ADCY2: variants seen among roughly 807,000 people sequenced by gnomAD.
ADCY2 encodes adenylate cyclase 2.
Under a neutral mutation model 125.2 loss-of-function variants are expected in ADCY2, and 31 were observed. The observed-to-expected ratio is 0.25, with a 90% CI of 0.19 to 0.33. ADCY2 has a LOEUF of 0.33. Ranked by LOEUF, ADCY2 falls within the 10% of genes least tolerant of loss-of-function variation. ADCY2 has a pLI of 1.00. For synonymous variants in ADCY2, 512 were observed against 548.4 expected (o/e 0.93, Z 0.93); for missense variants, 904 against 1,418.2 (o/e 0.64, Z 5.82).
intron 3 of ADCY2, among the ~76,000 whole-genome samples, chr5:7,619,298 G>A (rs534541149): frequency 1.3e-5 from 2 of 152,290 alleles, no homozygotes; most frequent in African/African-American, 4.8e-5. Flanking sequence ...GGTGCTCTCG[G>A]AATTGGGCTT....
At chr5:7,443,721 A>C (rs1741108884) in intron 2 of ADCY2, among the ~76,000 whole-genome samples, 1 of 151,544 alleles carries the variant, frequency 6.6e-6, no homozygotes, top group Non-Finnish European at 1.5e-5. Flanking sequence ...ACATTTTTGA[A>C]ACACCAGTAT....
chr5:7,662,573 G>A (rs1452979893), intron 4 of ADCY2, among the ~76,000 whole-genome samples: 1 of 152,206 alleles, frequency 6.6e-6, no homozygotes, highest in East Asian at 1.9e-4. Flanking sequence ...AATTTATAGT[G>A]CTGGGACCAT....
intron 2 of ADCY2, among the ~76,000 whole-genome samples, chr5:7,482,767 G>GATAGATATATATATATATATAT (rs1554012988): frequency 8.4e-6 from 1 of 119,454 alleles, no homozygotes; most frequent in South Asian, 2.6e-4. Flanking sequence ...AAGAAAATGT[G>GATAGATATATATATATATATAT]ATATATATAT....
intron 3 of ADCY2, among the ~76,000 whole-genome samples, chr5:7,554,800 AT>A (rs1735451735): frequency 6.6e-6 from 1 of 152,174 alleles, no homozygotes; most frequent in Non-Finnish European, 1.5e-5. Context: ...ACCTTCTGAA[AT>A]TCTGTGAAAT....
At chr5:7,407,441 G>A (rs1739538743) in intron 1 of ADCY2, among the ~76,000 whole-genome samples, 1 of 152,092 alleles carries the variant, frequency 6.6e-6, no homozygotes, top group Admixed American at 6.5e-5. Flanking sequence ...GAAGGGGAAG[G>A]GGAAGCAAGG....
At chr5:7,673,269 A>AATATATATAT (rs1180249627) in intron 4 of ADCY2, among the ~76,000 whole-genome samples, 70 of 3,932 alleles carry the variant, frequency 0.018, 5 homozygotes, top group South Asian at 0.038. Context: ...AAAAAAAAAA[A>AATATATATAT]ATATATATAT....
chr5:7,473,715 TTTCTGCAGTGGTAGGCA>T (rs1443073678), intron 2 of ADCY2, among the ~76,000 whole-genome samples: 4 of 152,222 alleles, frequency 2.6e-5, no homozygotes, highest in Non-Finnish European at 4.4e-5. Flanking sequence ...CTCTGTTTCC[TTTCTGCAGTGGTAGGCA>T]TTCTCTTCTC....
At chr5:7,543,163 A>G (rs1226136158) in intron 3 of ADCY2, among the ~76,000 whole-genome samples, 1 of 152,218 alleles carries the variant, frequency 6.6e-6, no homozygotes, top group Non-Finnish European at 1.5e-5. Flanking sequence ...ATATATACAA[A>G]CACATACAAC....
intron 2 of ADCY2, among the ~76,000 whole-genome samples, chr5:7,473,314 G>A (rs1742407420): frequency 6.6e-6 from 1 of 152,162 alleles, no homozygotes; most frequent in African/African-American, 2.4e-5. Context: ...CATGGCGGAA[G>A]GAATAGGAAA....
intron 3 of ADCY2, among the ~76,000 whole-genome samples, chr5:7,613,055 G>A (rs1443513482): frequency 1.3e-5 from 2 of 152,006 alleles, no homozygotes; most frequent in African/African-American, 2.4e-5. Flanking sequence ...TATACCTAAT[G>A]TAAATGATGA....
At chr5:7,410,780 T>C (rs1015750784) in intron 1 of ADCY2, among the ~76,000 whole-genome samples, 3 of 152,178 alleles carry the variant, frequency 2.0e-5, no homozygotes, top group Non-Finnish European at 4.4e-5. Context: ...ATAGGAATAT[T>C]TAATTGAGAT....
At chr5:7,526,337 T>G (rs1251197994) in intron 3 of ADCY2, among the ~76,000 whole-genome samples, 2 of 152,008 alleles carry the variant, frequency 1.3e-5, no homozygotes, top group Non-Finnish European at 2.9e-5. Flanking sequence ...GGGAAGCGGG[T>G]GGTAAAATTG....
rs1265944685 is a variant in ADCY2, at chr5:7,475,930, T to TA, written c.409-44801dup. Among the ~76,000 whole-genome samples, 4 of 152,138 alleles carry TA rather than the reference T, an allele frequency of 2.6e-5. No homozygotes were observed. The East Asian group carries it at 7.7e-4, about 29-fold the overall frequency. ...CTTCTAATATATACATTCTTCTAAT[T>TA]AAAAAAATCTTCTCATATGTGAGTA... On this transcript the variant is annotated intron_variant, in intron 2 of 24. Coordinates refer to ENST00000338316, the MANE Select transcript of ADCY2 (RefSeq NM_020546.3).
chr5:7,497,765 T>C (rs558191144), intron 2 of ADCY2, among the ~76,000 whole-genome samples: 3 of 152,058 alleles, frequency 2.0e-5, no homozygotes, highest in African/African-American at 7.2e-5. Context: ...AACTAAACAA[T>C]GTTCTTAGTG....
intron 3 of ADCY2, among the ~76,000 whole-genome samples, chr5:7,546,649 C>T (rs1487945035): frequency 6.6e-6 from 1 of 152,218 alleles, no homozygotes; most frequent in East Asian, 1.9e-4. Flanking sequence ...CACGCCTTCA[C>T]TTAGATCTTG....
intron 3 of ADCY2, among the ~76,000 whole-genome samples, chr5:7,612,103 A>AT (rs770808687): frequency 2.8e-4 from 43 of 151,962 alleles, no homozygotes; most frequent in Non-Finnish European, 5.9e-4. Context: ...AATAGTTTCC[A>AT]TTTTTTTTAT....
At chr5:7,721,996 G>A (rs1431085650) in intron 12 of ADCY2, among the ~76,000 whole-genome samples, 1 of 152,324 alleles carries the variant, frequency 6.6e-6, no homozygotes, top group East Asian at 1.9e-4. Context: ...ATTCACAGAG[G>A]TGATTAAGTG....
intron 3 of ADCY2, among the ~76,000 whole-genome samples, chr5:7,589,262 CA>C (rs1346353866): frequency 6.6e-6 from 1 of 151,416 alleles, no homozygotes; most frequent in Non-Finnish European, 1.5e-5. Context: ...CTAGGGAAAA[CA>C]GATGAAAAAC....
intron 3 of ADCY2, among the ~76,000 whole-genome samples, chr5:7,564,276 TAGG>T (rs1735817709): frequency 6.6e-6 from 1 of 152,212 alleles, no homozygotes; most frequent in East Asian, 1.9e-4. Context: ...ATTTATATGC[TAGG>T]TTAAGGAGAT....
Sources: gnomAD v4.1 joint callset for allele counts (sites outside exome capture counted in the v4.1 genomes callset) on GRCh38, gnomAD v4.1.1 for gene constraint, MANE v1.5 for transcripts, NCBI Gene and HGNC (gene_info 2026-07-23, HGNC 2026-07-21) for gene names.